The following ASPH variants were observed in gnomAD, a reference collection of about 807,000 sequenced individuals.
The protein encoded by ASPH is aspartate beta-hydroxylase, also known as aspartyl/asparaginyl beta-hydroxylase.
ASPH carries 100 observed loss-of-function variants against 118.4 expected under a neutral mutation model. The observed-to-expected ratio is 0.84, with a 90% CI of 0.72 to 1.00. The LOEUF (loss-of-function observed/expected upper bound fraction) is 1.00. Ranked by LOEUF, ASPH falls within the 50% of genes least tolerant of loss-of-function variation. The pLI is 0.00. For missense variants in ASPH, 920 were observed against 919.5 expected, an observed-to-expected ratio of 1.00 and a Z score of -0.01; for synonymous variants, 315 against 325.6, an observed-to-expected ratio of 0.97 and a Z score of 0.35.
At chr8:61,532,610 A>G (rs1818002425) in intron 21 of ASPH, among the ~76,000 whole-genome samples, 1 of 152,142 alleles carries the variant, frequency 6.6e-6, no homozygotes, top group Non-Finnish European at 1.5e-5. Flanking sequence ...GCCAAGAGGA[A>G]TGTCTTTTTA....
intron 16 of ASPH, among the ~76,000 whole-genome samples, chr8:61,570,337 G>A (rs1321986881): frequency 6.6e-6 from 1 of 152,112 alleles, no homozygotes; most frequent in Non-Finnish European, 1.5e-5. Flanking sequence ...AAAAGACATT[G>A]TAAATTGTAA....
chr8:61,688,769 A>G (rs1365754317), intron 1 of ASPH, among the ~76,000 whole-genome samples: 1 of 152,192 alleles, frequency 6.6e-6, no homozygotes, highest in Non-Finnish European at 1.5e-5. Context: ...TCCTAACTAC[A>G]TGGATTACCT....
chr8:61,706,404 C>CAAAAA (rs55731088), intron 1 of ASPH, among the ~76,000 whole-genome samples: 15 of 70,556 alleles, frequency 2.1e-4, no homozygotes, highest in Non-Finnish European at 2.7e-4. Flanking sequence ...GGTCATGACT[C>CAAAAA]AAAAAAAAAA....
chr8:61,576,976 T>A, intron 15 of ASPH, 118 bp from the exon 16 acceptor site: 1 of 837,944 alleles, frequency 1.2e-6, no homozygotes, highest in South Asian at 2.4e-5. Context: ...ATCCTGAGTG[T>A]AAAGATAGTT....
At chr8:61,511,019 A>G (rs755497535) in intron 24 of ASPH, among the ~76,000 whole-genome samples, 2 of 152,192 alleles carry the variant, frequency 1.3e-5, no homozygotes, top group African/African-American at 2.4e-5. Flanking sequence ...AAATTTTAAG[A>G]CAGTCTTAAA....
chr8:61,625,514 C>G, intron 13 of ASPH: 1 of 985,106 alleles, frequency 1.0e-6, no homozygotes. Flanking sequence ...ATCTGAGGTG[C>G]CAACAAAGCA....
intron 3 of ASPH, among the ~76,000 whole-genome samples, chr8:61,669,803 C>T (rs1425902184): frequency 1.3e-5 from 2 of 152,114 alleles, no homozygotes; most frequent in African/African-American, 4.8e-5. Context: ...TCTCCCTACC[C>T]CCACTGTTAT....
intron 21 of ASPH, among the ~76,000 whole-genome samples, chr8:61,528,202 C>A (rs966777745): frequency 8.5e-5 from 13 of 152,144 alleles, no homozygotes; most frequent in South Asian, 4.2e-4. Flanking sequence ...GGGCAAAGAT[C>A]GCATTTCAAT....
chr8:61,651,181 C>G (rs1563391358), intron 4 of ASPH, 57 bp from the exon 5 acceptor site: 1 of 1,408,814 alleles, frequency 7.1e-7, no homozygotes, highest in Non-Finnish European at 1.0e-6. Context: ...ACATGGACCC[C>G]TAACACTCAA....
chr8:61,534,116 T>C (rs1408087204), intron 21 of ASPH, among the ~76,000 whole-genome samples: 3 of 152,158 alleles, frequency 2.0e-5, no homozygotes, highest in Admixed American at 6.5e-5. Flanking sequence ...CCCAGCTAAT[T>C]TTGTATTTTT....
rs990272069 is a variant in ASPH, at chr8:61,523,814, G to A, written c.1900+2163C>T. Among the ~76,000 whole-genome samples, 5 of 151,648 alleles carry A rather than the reference G, an allele frequency of 3.3e-5. No individual in the cohort carries two copies. The South Asian group carries it at 8.3e-4, about 25-fold the overall frequency. ...AGTTTTAAAATTTGAAGCAGGCTGA[G>A]TGGAGTGGCTTATACCTGTAATCTC... On this transcript the variant is annotated intron_variant, in intron 22 of 24. Transcript: ENST00000379454.
rs191807607 is a variant in ASPH, at chr8:61,552,689, T to C, written c.1626+342A>G. Among the ~76,000 whole-genome samples, 11 of 152,280 alleles carry C rather than the reference T, an allele frequency of 7.2e-5. No individual in the cohort carries two copies. In the East Asian group the frequency reaches 1.3e-3, roughly 19 times the overall value. Reference sequence around the variant, plus strand: ...CATTTCAAAATTTAAAAAATACTTTTCCAAGGCAATTTCTATCTCTCTGTA... The same window carrying C: ...CATTTCAAAATTTAAAAAATACTTTCCCAAGGCAATTTCTATCTCTCTGTA... On this transcript the variant is annotated intron_variant, in intron 20 of 24. Transcript: ENST00000379454.
intron 16 of ASPH, among the ~76,000 whole-genome samples, chr8:61,568,249 C>T (rs1004035909): frequency 6.6e-6 from 1 of 152,046 alleles, no homozygotes; most frequent in Non-Finnish European, 1.5e-5. Context: ...AGCAGGAATC[C>T]AGGTGTGGGA....
At chr8:61,637,919 TA>T (rs780512467) in intron 12 of ASPH, 27 bp downstream of exon 12, 707 of 1,586,348 alleles carry the variant, frequency 4.5e-4, no homozygotes, top group Non-Finnish European at 5.8e-4. Context: ...ATATGGAAGG[TA>T]AAACCACTTC....
At chr8:61,697,619 C>T (rs949020404) in intron 1 of ASPH, among the ~76,000 whole-genome samples, 9 of 152,188 alleles carry the variant, frequency 5.9e-5, no homozygotes, top group African/African-American at 2.2e-4. Context: ...GATTAATGCG[C>T]TAAAGGGGTT....
rs1327193605 is a variant in ASPH, at chr8:61,502,249, T to C, written c.*1110A>G. 6.6e-6 allele frequency: 1 copy of C among 152,182 alleles called. No individual in the cohort carries two copies. Among genetic ancestry groups the C allele is most frequent in the Non-Finnish European group, 1.5e-5 (1 of 68,030 alleles). The allele number at this position is 152,182 out of a possible 1,614,324, so 9.4% of individuals were successfully genotyped here. ...TGGGACAGTCTTCCAAACTCTTTCA[T>C]CAAAAAGGAAAGTAATCTGGACCTC... On this transcript the variant is annotated 3_prime_UTR_variant, in exon 25 of 25. Transcript: ENST00000379454.
At chr8:61,608,576 T>C (rs546195344) in intron 14 of ASPH, among the ~76,000 whole-genome samples, 1 of 152,228 alleles carries the variant, frequency 6.6e-6, no homozygotes, top group African/African-American at 2.4e-5. Context: ...TATATTTTAT[T>C]AAAAAACCCC....
chr8:61,663,013 CCTT>C (rs1174130393), intron 3 of ASPH: 13 of 985,168 alleles, frequency 1.3e-5, no homozygotes, highest in Non-Finnish European at 1.6e-5. Context: ...AATTGTTTGC[CCTT>C]CTTCAAGAGA....
intron 16 of ASPH, among the ~76,000 whole-genome samples, chr8:61,567,959 TGG>T (rs1260048489): frequency 6.6e-6 from 1 of 151,944 alleles, no homozygotes; most frequent in Non-Finnish European, 1.5e-5. Flanking sequence ...GAAGATACCT[TGG>T]GGAGTAGCAT....
Sources: allele counts gnomAD v4.1 joint callset (sites outside exome capture counted in the v4.1 genomes callset), GRCh38; gene constraint gnomAD v4.1.1; transcripts MANE v1.5; gene names NCBI Gene and HGNC (gene_info 2026-07-23, HGNC 2026-07-21).